Variants in COBL observed in about 807,000 individuals in gnomAD.
COBL encodes the protein cordon-bleu WH2 repeat protein, also known as protein cordon-bleu.
Under a neutral mutation model 98.8 loss-of-function variants are expected in COBL, and 51 were observed. That is an observed-to-expected ratio of 0.52 (90% confidence interval 0.41 to 0.65). The LOEUF (loss-of-function observed/expected upper bound fraction) is 0.65, where lower values mean the gene tolerates loss of function less well. COBL is among the 30% of genes least tolerant of loss of function. The probability of loss-of-function intolerance (pLI) is 0.00; values close to 1 mark genes in which losing one functional copy is unlikely to be tolerated. For synonymous variants in COBL, 634 were observed against 651.7 expected, an observed-to-expected ratio of 0.97 and a Z score of 0.41; for missense variants, 1,617 against 1,617.5, an observed-to-expected ratio of 1.00 and a Z score of 0.01.
At chr7:51,232,886 T>C (rs1003204081) in intron 1 of COBL, among the ~76,000 whole-genome samples, 1 of 152,206 alleles carries the variant, frequency 6.6e-6, no homozygotes, top group Non-Finnish European at 1.5e-5. Context: ...AATTTCTTCC[T>C]GGGTTGTTTG....
intron 1 of COBL, among the ~76,000 whole-genome samples, chr7:51,232,030 G>A (rs906601155): frequency 6.6e-6 from 1 of 152,152 alleles, no homozygotes; most frequent in South Asian, 2.1e-4. Context: ...TGGGATTGAC[G>A]CTGTCATTCA....
intron 7 of COBL, among the ~76,000 whole-genome samples, chr7:51,069,496 C>A (rs1348613807): frequency 6.6e-6 from 1 of 152,254 alleles, no homozygotes; most frequent in African/African-American, 2.4e-5. Context: ...GCTCAGGGAG[C>A]ACCTGCTGCC....
intron 5 of COBL, among the ~76,000 whole-genome samples, chr7:51,142,458 A>T (rs1394558050): frequency 7.2e-6 from 1 of 139,256 alleles, no homozygotes; most frequent in East Asian, 2.1e-4. Context: ...GTCTGGGCTC[A>T]CTGCAACCTC....
intron 5 of COBL, among the ~76,000 whole-genome samples, chr7:51,171,969 A>C (rs1339611779): frequency 6.6e-6 from 1 of 152,260 alleles, no homozygotes; most frequent in African/African-American, 2.4e-5. Context: ...AATATTTATA[A>C]GATGTCATGA....
chr7:51,075,582 A>G (rs1792989600), intron 7 of COBL, among the ~76,000 whole-genome samples: 1 of 152,198 alleles, frequency 6.6e-6, no homozygotes, highest in Non-Finnish European at 1.5e-5. Flanking sequence ...ACTTTTTAAT[A>G]GTGGATCTGT....
chr7:51,315,526 T>C (rs1803469548), intron 1 of COBL, among the ~76,000 whole-genome samples: 1 of 152,208 alleles, frequency 6.6e-6, no homozygotes. Flanking sequence ...CCAGTTGCCA[T>C]AGCAGAAAGT....
intron 1 of COBL, among the ~76,000 whole-genome samples, chr7:51,308,275 A>C (rs1584464882): frequency 6.6e-6 from 1 of 151,894 alleles, no homozygotes; most frequent in African/African-American, 2.4e-5. Context: ...CTGCATTAAC[A>C]CTCCTACCCA....
chr7:51,084,535 C>T (rs370275729), intron 7 of COBL, among the ~76,000 whole-genome samples: 40 of 152,216 alleles, frequency 2.6e-4, no homozygotes, highest in Middle Eastern at 3.4e-3. Flanking sequence ...ACCTGGACAG[C>T]GCCATCATTC....
intron 1 of COBL, among the ~76,000 whole-genome samples, chr7:51,245,636 G>A (rs780164824): frequency 6.6e-6 from 1 of 152,146 alleles, no homozygotes; most frequent in Non-Finnish European, 1.5e-5. Context: ...CATGTATCAG[G>A]ACCTACCATT....
chr7:51,278,379 CT>C (rs10649607), intron 1 of COBL, among the ~76,000 whole-genome samples: 28 of 119,466 alleles, frequency 2.3e-4, no homozygotes, highest in Admixed American at 2.8e-4. Flanking sequence ...TAGACAGGAT[CT>C]TTTTTTTTTT....
chr7:51,019,686 A>T, intron 12 of COBL, among the ~76,000 whole-genome samples: 1 of 152,214 alleles, frequency 6.6e-6, no homozygotes, highest in Admixed American at 6.5e-5. Context: ...TGCAATAAGC[A>T]GAACAGTCAC....
intron 2 of COBL, among the ~76,000 whole-genome samples, chr7:51,198,349 C>T (rs1297731000): frequency 6.6e-6 from 1 of 152,166 alleles, no homozygotes; most frequent in African/African-American, 2.4e-5. Context: ...TCTCTTTTGG[C>T]TTGCAGGGTT....
chr7:51,210,320 T>C (rs909190343), intron 2 of COBL, among the ~76,000 whole-genome samples: 3 of 152,170 alleles, frequency 2.0e-5, no homozygotes, highest in African/African-American at 7.2e-5. Flanking sequence ...TATAAGGACA[T>C]GATACTAAAA....
intron 6 of COBL, among the ~76,000 whole-genome samples, chr7:51,128,375 G>A (rs1453793462): frequency 1.3e-5 from 2 of 152,200 alleles, no homozygotes; most frequent in Non-Finnish European, 1.5e-5. Flanking sequence ...GCGTGTATGT[G>A]TGTGTGTGTA....
chr7:51,020,296 A>G (rs543943476), intron 12 of COBL, among the ~76,000 whole-genome samples: 1 of 152,264 alleles, frequency 6.6e-6, no homozygotes, highest in African/African-American at 2.4e-5. Context: ...GGGAGGAAAG[A>G]TCCACAAGTC....
chr7:51,247,834 C>T (rs971931080), intron 1 of COBL, among the ~76,000 whole-genome samples: 2 of 152,142 alleles, frequency 1.3e-5, no homozygotes, highest in African/African-American at 2.4e-5. Flanking sequence ...AAATAAACAA[C>T]AAACACAAGG....
chr7:51,313,169 A>C (rs1803217611), intron 1 of COBL, among the ~76,000 whole-genome samples: 1 of 152,214 alleles, frequency 6.6e-6, no homozygotes, highest in Admixed American at 6.5e-5. Flanking sequence ...AAAGAATGTA[A>C]ACACTTTCTC....
intron 2 of COBL, among the ~76,000 whole-genome samples, chr7:51,198,695 G>A (rs1584140297): frequency 6.6e-6 from 1 of 152,140 alleles, no homozygotes; most frequent in African/African-American, 2.4e-5. Context: ...GTTTCCAGAT[G>A]TTACCAAATA....
At chr7:51,182,843 C>A (rs750179583) in intron 5 of COBL, among the ~76,000 whole-genome samples, 2 of 152,110 alleles carry the variant, frequency 1.3e-5, no homozygotes, top group Non-Finnish European at 1.5e-5. Context: ...AAAACCATTA[C>A]CGAAGCTTCA....
Sources: gnomAD v4.1 joint callset for allele counts (sites outside exome capture counted in the v4.1 genomes callset) on GRCh38, gnomAD v4.1.1 for gene constraint, MANE v1.5 for transcripts, NCBI Gene and HGNC (gene_info 2026-07-23, HGNC 2026-07-21) for gene names.